The following MLLT3 variants were observed in gnomAD, a reference collection of about 807,000 sequenced individuals.
MLLT3 encodes the protein MLLT3 super elongation complex subunit.
Under a neutral mutation model 53.2 loss-of-function variants are expected in MLLT3, and 4 were observed. The ratio of observed to expected loss-of-function variants is 0.08; its 90% CI spans 0.04 to 0.17. The LOEUF (loss-of-function observed/expected upper bound fraction) is 0.17, where lower values mean the gene tolerates loss of function less well. MLLT3 is among the 10% of genes least tolerant of loss of function. MLLT3 has a pLI of 1.00. For synonymous variants in MLLT3, 283 were observed against 230.6 expected, an observed-to-expected ratio of 1.23 and a Z score of -2.06; for missense variants, 569 against 684.0, an observed-to-expected ratio of 0.83 and a Z score of 1.87.
chr9:20,593,612 C>G (rs1390614969), intron 2 of MLLT3, among the ~76,000 whole-genome samples: 2 of 152,176 alleles, frequency 1.3e-5, no homozygotes, highest in Non-Finnish European at 2.9e-5. Context: ...AGATTCTAGT[C>G]TCATTCGTTG....
chr9:20,540,342 T>C (rs953517285), intron 2 of MLLT3, among the ~76,000 whole-genome samples: 4 of 152,240 alleles, frequency 2.6e-5, no homozygotes, highest in Admixed American at 1.3e-4. Context: ...ACTGCCCTAG[T>C]AGAGGTTCTC....
At chr9:20,484,589 T>C (rs570352639) in intron 2 of MLLT3, among the ~76,000 whole-genome samples, 1 of 152,270 alleles carries the variant, frequency 6.6e-6, no homozygotes, top group African/African-American at 2.4e-5. Flanking sequence ...TTTTCTCTGG[T>C]CTGCCCCACC....
intron 5 of MLLT3, among the ~76,000 whole-genome samples, chr9:20,371,087 A>G (rs1205514715): frequency 6.6e-6 from 1 of 152,240 alleles, no homozygotes; most frequent in East Asian, 1.9e-4. Context: ...AAGCCTAATC[A>G]AGAGCAAAGC....
intron 7 of MLLT3, among the ~76,000 whole-genome samples, chr9:20,361,502 C>G (rs1428969049): frequency 6.6e-6 from 1 of 152,204 alleles, no homozygotes; most frequent in African/African-American, 2.4e-5. Flanking sequence ...ATCATTTCTA[C>G]TGTGTCATTA....
intron 2 of MLLT3, among the ~76,000 whole-genome samples, chr9:20,513,653 G>C (rs1343753371): frequency 6.6e-6 from 1 of 152,184 alleles, no homozygotes; most frequent in East Asian, 1.9e-4. Flanking sequence ...AGTCCATGCA[G>C]GGTACGGGGG....
intron 5 of MLLT3, among the ~76,000 whole-genome samples, chr9:20,385,919 G>T (rs896009130): frequency 6.6e-6 from 1 of 152,154 alleles, no homozygotes; most frequent in Non-Finnish European, 1.5e-5. Context: ...TGATGCTAAG[G>T]TGTATTCTGA....
intron 4 of MLLT3, among the ~76,000 whole-genome samples, chr9:20,426,202 ACTT>A (rs2118804135): frequency 6.6e-6 from 1 of 152,214 alleles, no homozygotes; most frequent in Non-Finnish European, 1.5e-5. Flanking sequence ...TTTCAAGTAA[ACTT>A]CTGCCTATCT....
intron 2 of MLLT3, among the ~76,000 whole-genome samples, chr9:20,503,279 A>G (rs780483410): frequency 4.6e-5 from 7 of 152,232 alleles, no homozygotes; most frequent in Middle Eastern, 3.2e-3. Context: ...GCATCACACT[A>G]TCTAACTTCA....
chr9:20,414,839 C>T (rs1378863585), intron 4 of MLLT3, among the ~76,000 whole-genome samples: 4 of 151,974 alleles, frequency 2.6e-5, no homozygotes, highest in East Asian at 1.9e-4. Context: ...GAGCATGGGG[C>T]GAAGAATAAT....
intron 2 of MLLT3, among the ~76,000 whole-genome samples, chr9:20,494,440 GTT>G (rs1238016563): frequency 6.6e-6 from 1 of 152,072 alleles, no homozygotes; most frequent in African/African-American, 2.4e-5. Flanking sequence ...AGAAATAATG[GTT>G]TAAGAAATAA....
intron 2 of MLLT3, among the ~76,000 whole-genome samples, chr9:20,565,961 TA>T (rs1563820548): frequency 0.017 from 691 of 40,552 alleles, 15 homozygotes; most frequent in Non-Finnish European, 0.025. Context: ...TATTTATATA[TA>T]TATATTTATA....
At chr9:20,548,728 A>G (rs1200893698) in intron 2 of MLLT3, among the ~76,000 whole-genome samples, 3 of 152,124 alleles carry the variant, frequency 2.0e-5, no homozygotes, top group Non-Finnish European at 4.4e-5. Context: ...AAAAGAATAA[A>G]CTACTCACCT....
intron 5 of MLLT3, among the ~76,000 whole-genome samples, chr9:20,397,430 T>C (rs1357512211): frequency 6.6e-6 from 1 of 151,604 alleles, no homozygotes; most frequent in Non-Finnish European, 1.5e-5. Flanking sequence ...TTGGCAAGAG[T>C]GAGTATGCTT....
chr9:20,578,545 G>A (rs1819712275), intron 2 of MLLT3, among the ~76,000 whole-genome samples: 1 of 151,842 alleles, frequency 6.6e-6, no homozygotes, highest in African/African-American at 2.4e-5. Flanking sequence ...GAGAAGATGG[G>A]AAACATATCA....
intron 5 of MLLT3, chr9:20,410,691 A>T (rs1387688379): frequency 2.0e-5 from 3 of 152,216 alleles, no homozygotes; most frequent in Non-Finnish European, 4.4e-5. Context: ...GGACCATATC[A>T]ATTAATAATC....
At chr9:20,616,346 T>C (rs894386697) in intron 2 of MLLT3, among the ~76,000 whole-genome samples, 10 of 152,176 alleles carry the variant, frequency 6.6e-5, no homozygotes, top group Admixed American at 5.2e-4. Context: ...ATATTAAAGA[T>C]CACTTTTAGA....
chr9:20,470,040 A>G (rs1360760041), intron 2 of MLLT3, among the ~76,000 whole-genome samples: 2 of 152,152 alleles, frequency 1.3e-5, no homozygotes, highest in African/African-American at 4.8e-5. Context: ...ATATAAAAAG[A>G]AAAGAAATTT....
At chr9:20,514,521 T>G (rs1817854484) in intron 2 of MLLT3, among the ~76,000 whole-genome samples, 1 of 152,094 alleles carries the variant, frequency 6.6e-6, no homozygotes, top group South Asian at 2.1e-4. Context: ...TTTTTATTTT[T>G]TTTTTGGTGG....
At chr9:20,526,102 C>T (rs971254250) in intron 2 of MLLT3, among the ~76,000 whole-genome samples, 1 of 152,136 alleles carries the variant, frequency 6.6e-6, no homozygotes, top group African/African-American at 2.4e-5. Context: ...ATAAAAATCA[C>T]GTAAAACCAA....
Sources: allele counts gnomAD v4.1 joint callset (sites outside exome capture counted in the v4.1 genomes callset), GRCh38; gene constraint gnomAD v4.1.1; transcripts MANE v1.5; gene names NCBI Gene and HGNC (gene_info 2026-07-23, HGNC 2026-07-21).